CPLANE1: variants seen among roughly 807,000 people sequenced by gnomAD.
The protein encoded by CPLANE1 is ciliogenesis and planar polarity effector complex subunit 1.
In CPLANE1, 263 loss-of-function variants were observed where a neutral mutation model predicts 362.5. The observed-to-expected ratio is 0.73, with a 90% CI of 0.66 to 0.80. The LOEUF (loss-of-function observed/expected upper bound fraction) is 0.80, where lower values mean the gene tolerates loss of function less well. CPLANE1 is among the 30% of genes least tolerant of loss of function. The pLI is 0.00. For synonymous variants in CPLANE1, 1,212 were observed against 1,302.6 expected, an observed-to-expected ratio of 0.93 and a Z score of 1.50; for missense variants, 3,461 against 3,793.4, an observed-to-expected ratio of 0.91 and a Z score of 2.30.
chr5:37,204,020 T>C (rs1789993050), intron 18 of CPLANE1, among the ~76,000 whole-genome samples: 1 of 152,236 alleles, frequency 6.6e-6, no homozygotes, highest in Admixed American at 6.5e-5. Context: ...TTGTATTTTA[T>C]CTAGAAACAC....
At chr5:37,191,250 T>G in intron 21 of CPLANE1, among the ~76,000 whole-genome samples, 1 of 152,184 alleles carries the variant, frequency 6.6e-6, no homozygotes, top group East Asian at 1.9e-4. Flanking sequence ...GAAAAAAGCC[T>G]GGCCAAGCAC....
At position 37,167,224 on chromosome 5, in the gene CPLANE1, GAAAC is replaced by G. The variant is rs1251450700; in HGVS notation, c.7234-15_7234-12del. 8.8e-6 allele frequency: 14 copies of G among 1,594,692 alleles called. No homozygotes were observed. Among genetic ancestry groups the G allele is most frequent in the Non-Finnish European group, 1.1e-5 (13 of 1,173,934 alleles). ...TTGTGTTTTTTTGCACTACAAGAAA[GAAAC>G]AAAGCATAAGAATGACAAATTGCAA... On this transcript the variant is annotated splice_polypyrimidine_tract_variant and intron_variant, in intron 34 of 52. Transcript: ENST00000651892.
At position 37,180,116 on chromosome 5, in the gene CPLANE1, G is replaced by T; in HGVS notation, c.5638C>A (p.His1880Asn). ...EINDDIISIT[H>N]NTKKEFIDID... ...TCTATAAATTCTTTTTTAGTATTAT[G>T]AGTGATGGAAATAATATCATCATTG... Residue 1880 changes from histidine (H) to asparagine (N), a missense_variant, in exon 28 of 53, where the codon CAT becomes AAT. Around this residue, in one of 2 missense-constraint regions of CPLANE1, gnomAD observed 3,380 missense variants for 3,666.1 expected, o/e 0.92. Coordinates refer to ENST00000651892, the MANE Select transcript of CPLANE1 (RefSeq NM_001384732.1). 6.4e-7 allele frequency: 1 copy of T among 1,553,442 alleles called. No homozygotes were observed. The highest frequency in any genetic ancestry group is 2.0e-5 in the Admixed American group (1 of 51,202).
intron 46 of CPLANE1, among the ~76,000 whole-genome samples, chr5:37,133,198 G>GT (rs1766493194): frequency 6.6e-6 from 1 of 152,098 alleles, no homozygotes; most frequent in Admixed American, 6.5e-5. Context: ...TTGAAGGCAG[G>GT]TAACATGATG....
chr5:37,147,971 C>CAAAAAAAAAAAAAAAAAAAA (rs11284644), intron 43 of CPLANE1, among the ~76,000 whole-genome samples: 4 of 15,312 alleles, frequency 2.6e-4, no homozygotes, highest in Non-Finnish European at 7.3e-4. Context: ...ACTGCCTTCT[C>CAAAAAAAAAAAAAAAAAAAA]AAAAAAAAAA....
intron 21 of CPLANE1, among the ~76,000 whole-genome samples, chr5:37,192,353 G>T (rs1785779555): frequency 6.6e-6 from 1 of 152,032 alleles, no homozygotes; most frequent in African/African-American, 2.4e-5. Context: ...CAATCCTCTT[G>T]TACAGGTTTG....
At chr5:37,083,103 ACT>A in the CPLANE1 span, among the ~76,000 whole-genome samples, 1,618 of 152,228 alleles carry the variant, frequency 0.011, 9 homozygotes, top group Non-Finnish European at 0.019. Flanking sequence ...ACATCACAGG[ACT>A]CTGTGCAGAC....
At chr5:37,108,498 C>T (rs1758196682) in intron 51 of CPLANE1, 27 bp from the exon 52 acceptor site, 3 of 1,573,344 alleles carry the variant, frequency 1.9e-6, no homozygotes, top group Non-Finnish European at 1.7e-6. Context: ...ACAAAGCACA[C>T]ATTGGGATTG....
chr5:37,219,451 C>A (rs1794879598), intron 15 of CPLANE1, among the ~76,000 whole-genome samples: 1 of 151,916 alleles, frequency 6.6e-6, no homozygotes, highest in South Asian at 2.1e-4. Context: ...TCGCTTGAAC[C>A]CAGGAGGCAA....
intron 46 of CPLANE1, among the ~76,000 whole-genome samples, chr5:37,133,439 T>C (rs1290801045): frequency 6.6e-6 from 1 of 152,142 alleles, no homozygotes; most frequent in Non-Finnish European, 1.5e-5. Context: ...CACCTGCGAT[T>C]TCTTTCAGAA....
In CPLANE1 at chr5:37,138,746, T is replaced by C; in HGVS notation, c.8766A>G (p.Leu2922=). ...KDGVSSEELG[L]TEQAMGTSRI... Reference sequence around the variant, plus strand: ...TGGAGGTGCCCATAGCTTGTTCTGTTAAGCCAAGTTCTTCACTGGAAACTC... The same window carrying C: ...TGGAGGTGCCCATAGCTTGTTCTGTCAAGCCAAGTTCTTCACTGGAAACTC... The change falls in exon 46 of 53, where the codon TTA becomes TTG. Residue 2922 remains leucine (L), a synonymous_variant. Coordinates refer to ENST00000651892, the MANE Select transcript of CPLANE1 (RefSeq NM_001384732.1). 1.9e-6 allele frequency: 3 copies of C among 1,612,676 alleles called. No homozygotes were observed. Among genetic ancestry groups the C allele is most frequent in the Non-Finnish European group, 2.5e-6 (3 of 1,179,488 alleles).
intron 19 of CPLANE1, among the ~76,000 whole-genome samples, chr5:37,200,912 C>T (rs1409485658): frequency 6.6e-6 from 1 of 152,188 alleles, no homozygotes. Context: ...CAACCTCTAC[C>T]TCCCGGGCTC....
chr5:37,076,738 C>T, the CPLANE1 span, among the ~76,000 whole-genome samples: 1 of 151,458 alleles, frequency 6.6e-6, no homozygotes. Flanking sequence ...GTTTTAAAAA[C>T]CATTTCTTTT....
In CPLANE1 at chr5:37,227,410, A is replaced by T. The variant is rs1314375593; in HGVS notation, c.1372-18T>A. On this transcript the variant is annotated intron_variant, in intron 10 of 52. Coordinates refer to ENST00000651892, the MANE Select transcript of CPLANE1 (RefSeq NM_001384732.1). ...CCTTTTGGCTAAAGAAGAAAAGATG[A>T]AAGATTTCCAAGAGCAAAATGTTAT... The T allele has an allele frequency of 6.6e-7, 1 of 1,516,332 alleles. No individual in the cohort carries two copies. Among genetic ancestry groups the T allele is most frequent in the African/African-American group, 1.4e-5 (1 of 71,268 alleles). The allele number at this position is 1,516,332 out of a possible 1,614,324, so 93.9% of individuals were successfully genotyped here.
chr5:37,227,316 C>A lies in CPLANE1; in HGVS notation c.1448G>T (p.Ser483Ile), dbSNP rs750330611. 2.6e-6 allele frequency: 4 copies of A among 1,552,100 alleles called. No individual in the cohort carries two copies. Among genetic ancestry groups the A allele is most frequent in the African/African-American group, 1.4e-5 (1 of 73,154 alleles). ...SSLLEHQGNE[S>I]SADFTVPKFL... The stretch of plus-strand genomic sequence containing the variant: ...TTTGGGGACAGTGAAATCGGCTGAA[C>A]TTTCATTTCCTTGGTGTTCTAACAG... Residue 483 changes from serine to isoleucine, a missense_variant, in exon 11 of 53, where the codon AGT (serine) becomes ATT (isoleucine). This residue lies in a region of CPLANE1 where 3,380 missense variants were observed against 3,666.1 expected (regional missense o/e 0.92). Transcript: ENST00000651892.
intron 48 of CPLANE1, among the ~76,000 whole-genome samples, 169 bp downstream of exon 48, chr5:37,122,261 G>GA (rs1762875666): frequency 3.3e-5 from 5 of 152,152 alleles, no homozygotes; most frequent in Middle Eastern, 6.8e-3. Context: ...AAGCAAATTT[G>GA]AAAAAAGGCT....
the CPLANE1 span, among the ~76,000 whole-genome samples, chr5:37,095,218 C>A: frequency 6.6e-6 from 1 of 152,136 alleles, no homozygotes; most frequent in Non-Finnish European, 1.5e-5. Context: ...AACAACATAT[C>A]AAAAAGACAA....
At chr5:37,102,639 T>C (rs1348840856), downstream of CPLANE1, among the ~76,000 whole-genome samples, 2 of 152,224 alleles carry the variant, frequency 1.3e-5, no homozygotes, top group Non-Finnish European at 2.9e-5. Context: ...AATAACTTCT[T>C]GACATCTGCC....
the CPLANE1 span, among the ~76,000 whole-genome samples, chr5:37,087,180 A>AAC: frequency 6.6e-6 from 1 of 152,168 alleles, no homozygotes; most frequent in African/African-American, 2.4e-5. Flanking sequence ...CTAGATGTAG[A>AAC]ATGCTGGGAA....
Sources: gnomAD v4.1 joint callset for allele counts (sites outside exome capture counted in the v4.1 genomes callset) on GRCh38, gnomAD v4.1.1 for gene constraint, gnomAD v4.1.1 regional missense constraint, MANE v1.5 for transcripts, NCBI Gene and HGNC (gene_info 2026-07-23, HGNC 2026-07-21) for gene names.